Variants in SYNPR observed in about 807,000 individuals in gnomAD.
SYNPR encodes the protein synaptoporin.
SYNPR carries 23 observed loss-of-function variants against 32.9 expected under a neutral mutation model. The observed-to-expected ratio is 0.70, with a 90% CI of 0.50 to 0.99. SYNPR has a LOEUF of 0.99. Among genes scored for constraint, SYNPR ranks in the 50% least tolerant of loss-of-function variants. The pLI is 0.00. For synonymous variants in SYNPR, 146 were observed against 135.9 expected, an observed-to-expected ratio of 1.07 and a Z score of -0.52; for missense variants, 318 against 349.3, an observed-to-expected ratio of 0.91 and a Z score of 0.71.
chr3:63,534,703 A>G (rs1702171605), intron 3 of SYNPR, among the ~76,000 whole-genome samples: 1 of 152,160 alleles, frequency 6.6e-6, no homozygotes, highest in African/African-American at 2.4e-5. Flanking sequence ...GCATCTGGTA[A>G]GGGCTTCAGG....
At chr3:63,559,982 G>A (rs748817216) in intron 4 of SYNPR, among the ~76,000 whole-genome samples, 26 of 152,194 alleles carry the variant, frequency 1.7e-4, no homozygotes, top group Non-Finnish European at 3.1e-4. Flanking sequence ...AAACTATTTC[G>A]TTATATAAAA....
chr3:63,493,229 G>A (rs1252013706), intron 3 of SYNPR, among the ~76,000 whole-genome samples: 1 of 152,090 alleles, frequency 6.6e-6, no homozygotes, highest in Non-Finnish European at 1.5e-5. Flanking sequence ...TGTGAGCCAT[G>A]AGAGGACTTA....
intron 3 of SYNPR, among the ~76,000 whole-genome samples, chr3:63,510,040 G>A (rs1233883679): frequency 6.6e-6 from 1 of 151,936 alleles, no homozygotes; most frequent in Non-Finnish European, 1.5e-5. Context: ...TATAGACACA[G>A]CGGTACTATT....
the SYNPR span, among the ~76,000 whole-genome samples, chr3:63,210,921 T>C: frequency 6.6e-6 from 1 of 151,732 alleles, no homozygotes; most frequent in Admixed American, 6.6e-5. Flanking sequence ...TTCACCTTCA[T>C]ACCTGACACC....
chr3:63,471,090 T>G (rs1182186877), intron 2 of SYNPR, among the ~76,000 whole-genome samples: 1 of 152,176 alleles, frequency 6.6e-6, no homozygotes, highest in Non-Finnish European at 1.5e-5. Flanking sequence ...TGGCATGAAG[T>G]ATCAATTCTG....
intron 2 of SYNPR, among the ~76,000 whole-genome samples, chr3:63,312,890 A>G (rs2086982724): frequency 6.6e-6 from 1 of 151,938 alleles, no homozygotes; most frequent in Non-Finnish European, 1.5e-5. Flanking sequence ...GGGTGAGATG[A>G]GTCTCCTTTT....
At chr3:63,275,700 A>G (rs1399337522), upstream of SYNPR, among the ~76,000 whole-genome samples, 2 of 152,244 alleles carry the variant, frequency 1.3e-5, no homozygotes, top group African/African-American at 2.4e-5. Flanking sequence ...GGCTGGATAT[A>G]CTATCTAGAA....
intron 2 of SYNPR, chr3:63,443,135 T>C (rs1700211186): frequency 8.7e-7 from 1 of 1,151,000 alleles, no homozygotes; most frequent in Non-Finnish European, 1.1e-6. Flanking sequence ...CTCACCATGG[T>C]GGCAGCCACC....
chr3:63,475,694 T>C (rs929020830), intron 2 of SYNPR, among the ~76,000 whole-genome samples: 2 of 152,120 alleles, frequency 1.3e-5, no homozygotes, highest in African/African-American at 2.4e-5. Flanking sequence ...CTAGTTCCTC[T>C]ATCTCACTTA....
intron 2 of SYNPR, among the ~76,000 whole-genome samples, chr3:63,281,137 A>C (rs1168655120): frequency 6.6e-6 from 1 of 152,148 alleles, no homozygotes; most frequent in East Asian, 1.9e-4. Flanking sequence ...AATGACAGGA[A>C]ATGTGATTTC....
At chr3:63,392,000 G>A (rs1327282875) in intron 2 of SYNPR, among the ~76,000 whole-genome samples, 1 of 152,178 alleles carries the variant, frequency 6.6e-6, no homozygotes, top group East Asian at 1.9e-4. Flanking sequence ...TCAGACATGA[G>A]CAGTGAGCCA....
At chr3:63,277,130 T>G (rs1396920961), upstream of SYNPR, among the ~76,000 whole-genome samples, 1 of 152,164 alleles carries the variant, frequency 6.6e-6, no homozygotes. Context: ...CTTCTTCTTT[T>G]GTTTTTCTGA....
chr3:63,249,226 C>G (rs1400887627), intron 1 of SYNPR, among the ~76,000 whole-genome samples: 1 of 152,012 alleles, frequency 6.6e-6, no homozygotes, highest in African/African-American at 2.4e-5. Flanking sequence ...CATGGAAAAT[C>G]AGAAAACCAA....
chr3:63,442,967 G>T lies in SYNPR; in HGVS notation c.85-37865G>T, dbSNP rs1411283102. On this transcript the variant is annotated intron_variant, in intron 2 of 5. Transcript: ENST00000478300. ...CATACCCTTAAAACACAAAATTCTGGCTTTAAAAAAATCTCCTAGTTTGTT... is the reference window on the plus strand; with the variant it reads ...CATACCCTTAAAACACAAAATTCTGTCTTTAAAAAAATCTCCTAGTTTGTT... 6.2e-6 allele frequency: 6 copies of T among 960,432 alleles called. No homozygotes were observed. The African/African-American group carries it at 7.1e-5, about 11-fold the overall frequency. 59.5% of individuals were successfully genotyped at this position (960,432 alleles called of 1,614,324 possible).
intron 3 of SYNPR, among the ~76,000 whole-genome samples, chr3:63,505,346 T>C (rs2106743708): frequency 6.6e-6 from 1 of 152,296 alleles, no homozygotes; most frequent in Non-Finnish European, 1.5e-5. Flanking sequence ...AATGAGGTTT[T>C]AAATGCCTCA....
intron 2 of SYNPR, among the ~76,000 whole-genome samples, chr3:63,260,179 C>G (rs1477650431): frequency 6.6e-6 from 1 of 152,174 alleles, no homozygotes; most frequent in Non-Finnish European, 1.5e-5. Flanking sequence ...CAATCTCCAT[C>G]AAGCTACCAA....
chr3:63,462,964 C>T (rs931852022), intron 2 of SYNPR, among the ~76,000 whole-genome samples: 1 of 152,166 alleles, frequency 6.6e-6, no homozygotes, highest in African/African-American at 2.4e-5. Context: ...TTGGGTTCCA[C>T]TGTTCCTGTC....
chr3:63,295,898 G>C (rs563558316), intron 2 of SYNPR, among the ~76,000 whole-genome samples: 1 of 152,296 alleles, frequency 6.6e-6, no homozygotes, highest in Admixed American at 6.5e-5. Flanking sequence ...CCTTGAGCTT[G>C]TATATCTTTT....
chr3:63,209,266 A>G, the SYNPR span, among the ~76,000 whole-genome samples: 2 of 148,060 alleles, frequency 1.4e-5, no homozygotes, highest in Non-Finnish European at 3.0e-5. Context: ...TGCAGCGAGC[A>G]GAGATCGCGC....
Sources: gnomAD v4.1 joint callset for allele counts (sites outside exome capture counted in the v4.1 genomes callset) on GRCh38, gnomAD v4.1.1 for gene constraint, MANE v1.5 for transcripts, NCBI Gene and HGNC (gene_info 2026-07-23, HGNC 2026-07-21) for gene names.